COL26A1: variants seen among roughly 807,000 people sequenced by gnomAD.
COL26A1 encodes collagen type XXVI alpha 1 chain, also known as collagen alpha-1(XXVI) chain.
A neutral mutation model predicts 59.3 loss-of-function variants in COL26A1; 41 were observed. The ratio of observed to expected loss-of-function variants is 0.69; its 90% CI spans 0.54 to 0.90. The LOEUF is 0.90. COL26A1 is among the 40% of genes least tolerant of loss of function. The pLI is 0.00. For missense variants in COL26A1, 612 were observed against 602.3 expected (o/e 1.02, Z -0.17); for synonymous variants, 266 against 256.0 (o/e 1.04, Z -0.37).
intron 3 of COL26A1, among the ~76,000 whole-genome samples, chr7:101,485,399 C>T (rs945863090): frequency 1.3e-5 from 2 of 152,188 alleles, no homozygotes; most frequent in African/African-American, 4.8e-5. Flanking sequence ...CAGGCATGAA[C>T]GCTGAGTGAC....
At chr7:101,538,813 G>T (rs1405122326) in intron 4 of COL26A1, among the ~76,000 whole-genome samples, 1 of 152,172 alleles carries the variant, frequency 6.6e-6, no homozygotes, top group East Asian at 1.9e-4. Flanking sequence ...TGTCCCCCAG[G>T]CCCAGGGGCA....
chr7:101,434,739 C>T (rs893766709), intron 2 of COL26A1, among the ~76,000 whole-genome samples: 1 of 152,144 alleles, frequency 6.6e-6, no homozygotes, highest in East Asian at 1.9e-4. Flanking sequence ...CTGCCTGCTC[C>T]GGTTGGGTGT....
chr7:101,427,566 G>A (rs549083790), intron 2 of COL26A1, among the ~76,000 whole-genome samples: 27 of 152,066 alleles, frequency 1.8e-4, no homozygotes, highest in African/African-American at 6.3e-4. Context: ...GGAGGCTGAG[G>A]CATGAGAATC....
chr7:101,454,025 A>G (rs1016472854), intron 3 of COL26A1, among the ~76,000 whole-genome samples: 1 of 152,146 alleles, frequency 6.6e-6, no homozygotes, highest in Admixed American at 6.6e-5. Context: ...ATCCATCTTA[A>G]TGAATTGCAC....
intron 1 of COL26A1, among the ~76,000 whole-genome samples, chr7:101,417,221 G>A (rs1437373958): frequency 2.0e-5 from 3 of 151,988 alleles, no homozygotes; most frequent in South Asian, 2.1e-4. Context: ...TGAAAGTCTT[G>A]GTATCTGGGG....
intron 3 of COL26A1, among the ~76,000 whole-genome samples, chr7:101,524,943 C>G (rs1030000335): frequency 6.6e-6 from 1 of 152,100 alleles, no homozygotes; most frequent in African/African-American, 2.4e-5. Flanking sequence ...CAGACTCTGC[C>G]AGCCAAGTCA....
chr7:101,490,126 T>TG (rs1661687612), intron 3 of COL26A1, among the ~76,000 whole-genome samples: 1 of 151,284 alleles, frequency 6.6e-6, no homozygotes, highest in Non-Finnish European at 1.5e-5. Context: ...TCAGTAGAGA[T>TG]GGGGTTTCAC....
chr7:101,533,259 A>C, intron 4 of COL26A1, 116 bp downstream of exon 4: 1 of 797,148 alleles, frequency 1.3e-6, no homozygotes, highest in Admixed American at 2.1e-5. Context: ...CGGGTTTCCA[A>C]GCAGGCTTGG....
intron 3 of COL26A1, among the ~76,000 whole-genome samples, chr7:101,454,258 T>C (rs547992065): frequency 2.2e-5 from 3 of 139,024 alleles, no homozygotes; most frequent in Admixed American, 7.3e-5. Context: ...CCTTTCCTTT[T>C]CTTTTCTTTC....
intron 1 of COL26A1, among the ~76,000 whole-genome samples, chr7:101,383,974 A>ATT (rs56402267): frequency 1.1e-4 from 16 of 150,014 alleles, no homozygotes; most frequent in Admixed American, 2.7e-4. Flanking sequence ...CCAGCCGATA[A>ATT]TTTTTTTTTT....
intron 1 of COL26A1, among the ~76,000 whole-genome samples, chr7:101,364,465 CTAGGGTTAAAACAT>C (rs1261036675): frequency 6.6e-6 from 1 of 151,974 alleles, no homozygotes; most frequent in Non-Finnish European, 1.5e-5. Flanking sequence ...CTTAACAACC[CTAGGGTTAAAACAT>C]TAGAGTAGTA....
intron 1 of COL26A1, among the ~76,000 whole-genome samples, chr7:101,364,128 C>A (rs1339940991): frequency 2.0e-5 from 3 of 152,252 alleles, no homozygotes; most frequent in African/African-American, 7.2e-5. Context: ...CCATGGCCAC[C>A]CCCGGGACGC....
At chr7:101,549,126 G>A (rs761199079) in intron 8 of COL26A1, 45 bp from the exon 9 acceptor site, 58 of 1,131,708 alleles carry the variant, frequency 5.1e-5, no homozygotes, top group Middle Eastern at 2.2e-4. Context: ...GGCTGGGGGC[G>A]CCCCCTCTCT....
At chr7:101,411,933 A>G (rs1004821116) in intron 1 of COL26A1, among the ~76,000 whole-genome samples, 2 of 152,172 alleles carry the variant, frequency 1.3e-5, no homozygotes, top group African/African-American at 2.4e-5. Context: ...ACAAGACTCC[A>G]TTCCAAAACA....
chr7:101,527,202 C>T (rs574277776), intron 3 of COL26A1, among the ~76,000 whole-genome samples: 1 of 152,122 alleles, frequency 6.6e-6, no homozygotes, highest in Non-Finnish European at 1.5e-5. Context: ...AACTCCTGGG[C>T]CCAAGCGATC....
In COL26A1 at chr7:101,385,189, A is replaced by G. The variant is rs531424888; in HGVS notation, c.158+21999A>G. Among the ~76,000 whole-genome samples the G allele has an allele frequency of 8.3e-5, 3 of 36,250 alleles. No homozygotes were observed. The East Asian group carries it at 1.4e-3, about 16-fold the overall frequency. 23.8% of individuals were successfully genotyped at this position (36,250 alleles called of 152,430 possible). ...TAGAAACAATACTTTGCATTCTTCA[A>G]TCCAATCAATTTGACACTATATATA... On this transcript the variant is annotated intron_variant, in intron 1 of 12. Transcript: ENST00000313669.
intron 3 of COL26A1, among the ~76,000 whole-genome samples, chr7:101,464,609 C>T (rs1056138773): frequency 2.0e-5 from 3 of 151,840 alleles, no homozygotes; most frequent in African/African-American, 4.8e-5. Context: ...TGAGGTTTCT[C>T]CATGTTGGTC....
intron 12 of COL26A1, among the ~76,000 whole-genome samples, chr7:101,556,741 G>C (rs1795983397): frequency 2.0e-5 from 3 of 152,016 alleles, no homozygotes; most frequent in African/African-American, 7.3e-5. Context: ...TGAGTGAATA[G>C]ATGCATGGAT....
At chr7:101,500,344 C>T (rs1239640588) in intron 3 of COL26A1, among the ~76,000 whole-genome samples, 3 of 152,178 alleles carry the variant, frequency 2.0e-5, no homozygotes, top group Admixed American at 1.3e-4. Flanking sequence ...GACACCCCTA[C>T]CCCCATCTCG....
Sources: allele counts gnomAD v4.1 joint callset (sites outside exome capture counted in the v4.1 genomes callset), GRCh38; gene constraint gnomAD v4.1.1; transcripts MANE v1.5; gene names NCBI Gene and HGNC (gene_info 2026-07-23, HGNC 2026-07-21).